The following GRIN1 variants were observed in gnomAD, a reference collection of about 807,000 sequenced individuals.
GRIN1 encodes glutamate receptor ionotropic, NMDA 1.
Under a neutral mutation model 103.0 loss-of-function variants are expected in GRIN1, and 38 were observed. That is an observed-to-expected ratio of 0.37 (90% confidence interval 0.28 to 0.48). GRIN1 has a LOEUF of 0.48. Among genes scored for constraint, GRIN1 ranks in the 20% least tolerant of loss-of-function variants. The pLI is 0.98. For missense variants in GRIN1, 577 were observed against 1,288.9 expected (o/e 0.45, Z 8.46); for synonymous variants, 544 against 532.7 (o/e 1.02, Z -0.29).
At position 137,165,258 on chromosome 9, in the gene GRIN1, G is replaced by A; in HGVS notation, c.2662G>A (p.Ala888Thr). ...ATFRAITSTL[A>T]SSFKRRRSSK... ...ATTTAGGGCTATCACCTCCACCCTG[G>A]CTTCCAGCTTCAAGAGGCGTAGGTC... Residue 888 changes from alanine to threonine, a missense_variant, in exon 19 of 20, where the codon GCT becomes ACT. Physicochemically the swap from Ala to Thr is moderately conservative, Grantham distance 58. Around this residue, in one of 9 missense-constraint regions of GRIN1, gnomAD observed 68 missense variants for 113.0 expected, o/e 0.60. Coordinates refer to ENST00000371561, the MANE Select transcript of GRIN1 (RefSeq NM_007327.4). 6.2e-7 allele frequency: 1 copy of A among 1,612,280 alleles called. No individual in the cohort carries two copies. The highest frequency in any genetic ancestry group is 8.5e-7 in the Non-Finnish European group (1 of 1,179,434).
intron 3 of GRIN1, chr9:137,148,115 G>A (rs1187665906): frequency 7.6e-7 from 1 of 1,316,076 alleles, no homozygotes; most frequent in Admixed American, 2.0e-5. Flanking sequence ...ATCTTCTTCT[G>A]TGTCTGCATA....
At position 137,156,985 on chromosome 9, in the gene GRIN1, C is replaced by A; in HGVS notation, c.916C>A (p.Arg306=). The change falls in exon 6 of 20, where the codon CGG becomes AGG. Residue 306 remains arginine (R), a synonymous_variant. Coordinates refer to ENST00000371561, the MANE Select transcript of GRIN1 (RefSeq NM_007327.4). ...GAAGGAGAACATCACCGACCCGCCG[C>A]GGGGCTGCGTGGGCAACACCAACAT... is the stretch of plus-strand genomic sequence containing the variant. The part of the protein sequence containing the change: ...LEKENITDPP[R]GCVGNTNIWK... 6.2e-7 allele frequency: 1 copy of A among 1,608,474 alleles called. No individual in the cohort carries two copies. Among genetic ancestry groups the A allele is most frequent in the Non-Finnish European group, 8.5e-7 (1 of 1,177,814 alleles).
chr9:137,141,404 G>A (rs1360668972), intron 1 of GRIN1, among the ~76,000 whole-genome samples: 1 of 152,196 alleles, frequency 6.6e-6, no homozygotes, highest in Admixed American at 6.5e-5. Flanking sequence ...AGGCTGGGCT[G>A]CACCCCCAAT....
intron 19 of GRIN1, among the ~76,000 whole-genome samples, chr9:137,165,643 C>A (rs1373843578): frequency 6.6e-6 from 1 of 152,192 alleles, no homozygotes; most frequent in Admixed American, 6.5e-5. Flanking sequence ...GGGAGCCCAG[C>A]GTGGCCCCAT....
intron 3 of GRIN1, among the ~76,000 whole-genome samples, chr9:137,147,476 ACAC>A (rs1351781976): frequency 6.6e-6 from 1 of 151,926 alleles, no homozygotes; most frequent in Non-Finnish European, 1.5e-5. Flanking sequence ...ACACACGCAC[ACAC>A]AAGCACGCAC....
intron 2 of GRIN1, among the ~76,000 whole-genome samples, chr9:137,142,967 A>G (rs1238768802): frequency 6.6e-6 from 1 of 152,238 alleles, no homozygotes; most frequent in East Asian, 1.9e-4. Flanking sequence ...GTTTTGCAGG[A>G]ATCTCCAAGC....
intron 15 of GRIN1, 50 bp from the exon 16 acceptor site, chr9:137,163,119 C>T (rs1467325388): frequency 1.4e-5 from 22 of 1,604,192 alleles, no homozygotes; most frequent in African/African-American, 1.2e-4. Flanking sequence ...GGGCGTGGGG[C>T]TTCCAGGCTG....
intron 4 of GRIN1, among the ~76,000 whole-genome samples, chr9:137,150,927 G>GCCCAGGGAAAGCCCCA (rs1832836787): frequency 8.4e-6 from 1 of 119,074 alleles, no homozygotes; most frequent in Non-Finnish European, 1.7e-5. Context: ...CGAAAGCCTC[G>GCCCAGGGAAAGCCCCA]CCCAGGGAAA....
At chr9:137,145,650 T>C (rs1832484571) in intron 2 of GRIN1, 76 bp from the exon 3 acceptor site, 2 of 1,159,100 alleles carry the variant, frequency 1.7e-6, no homozygotes, top group African/African-American at 4.4e-5. Flanking sequence ...CGGCGGGTGT[T>C]CCGGCAGTGG....
At chr9:137,165,025 C>A (rs1437017629) in intron 18 of GRIN1, 161 bp from the exon 19 acceptor site, 34 of 688,014 alleles carry the variant, frequency 4.9e-5, no homozygotes, top group Non-Finnish European at 9.0e-5. Flanking sequence ...AGAGGCCACC[C>A]TCGAACGTCC....
chr9:137,166,617 G>A (rs1833891619), intron 19 of GRIN1, among the ~76,000 whole-genome samples: 1 of 152,268 alleles, frequency 6.6e-6, no homozygotes, highest in Non-Finnish European at 1.5e-5. Context: ...GCCCCAAGAG[G>A]GACCCATGAG....
chr9:137,165,285 T>C lies in GRIN1; in HGVS notation c.2689T>C (p.Ser897Pro). ...TTCCAGCTTCAAGAGGCGTAGGTCC[T>C]CCAAAGACACGGTAAGGGGGAGAGC... The part of the protein sequence containing the change: ...LASSFKRRRS[S>P]KDTSTGGGRG... Residue 897 changes from serine to proline, a missense_variant, in exon 19 of 20, where the codon TCC (serine) becomes CCC (proline). Ser to Pro is a moderately conservative substitution (Grantham distance 74). This residue lies in a region of GRIN1 where 68 missense variants were observed against 113.0 expected (regional missense o/e 0.60). Transcript: ENST00000371561. The C allele has an allele frequency of 1.9e-6, 3 of 1,603,650 alleles. No homozygotes were observed. Among genetic ancestry groups the C allele is most frequent in the Non-Finnish European group, 1.7e-6 (2 of 1,172,106 alleles).
chr9:137,160,690 A>G (rs1833485892), intron 8 of GRIN1, among the ~76,000 whole-genome samples: 1 of 152,182 alleles, frequency 6.6e-6, no homozygotes. Context: ...TCGGCCTCCC[A>G]AAGTGCTGGG....
intron 2 of GRIN1, among the ~76,000 whole-genome samples, chr9:137,143,926 C>T (rs969251639): frequency 2.0e-5 from 3 of 152,212 alleles, no homozygotes; most frequent in African/African-American, 7.2e-5. Context: ...GGCCATGCCA[C>T]GGCACTCCGT....
intron 2 of GRIN1, among the ~76,000 whole-genome samples, chr9:137,144,224 A>C (rs915228976): frequency 6.6e-6 from 1 of 151,778 alleles, no homozygotes. Context: ...TGGGGCCAAC[A>C]CTAAACCTCC....
intron 10 of GRIN1, among the ~76,000 whole-genome samples, chr9:137,161,651 T>TGGGGCACGGAGG (rs1833553397): frequency 4.6e-5 from 1 of 21,770 alleles, no homozygotes; most frequent in Non-Finnish European, 9.2e-5. Context: ...GGGGTCGGAG[T>TGGGGCACGGAGG]GGGTGGGGCA....
At chr9:137,148,958 C>T (rs374010340) in intron 3 of GRIN1, 51 bp from the exon 4 acceptor site, 405 of 1,310,714 alleles carry the variant, frequency 3.1e-4, no homozygotes, top group Non-Finnish European at 4.0e-4. Flanking sequence ...ACCCCTGAGG[C>T]GCTATGTCCC....
At chr9:137,163,101 G>A in intron 15 of GRIN1, 68 bp from the exon 16 acceptor site, 2 of 1,590,178 alleles carry the variant, frequency 1.3e-6, no homozygotes, top group South Asian at 2.2e-5. Context: ...GGGCACCCCG[G>A]AGGGCGCGGG....
rs1280706883 is a variant in GRIN1, at chr9:137,163,687, A to C, written c.2443+19A>C. 1.2e-6 allele frequency: 2 copies of C among 1,612,742 alleles called. No homozygotes were observed. The highest frequency in any genetic ancestry group is 1.1e-5 in the South Asian group (1 of 91,036). On this transcript the variant is annotated intron_variant, in intron 17 of 19. Transcript: ENST00000371561. ...ATGGCCGGTGCGTTCTCCTTCATCC[A>C]TTCTCGGGTGGGTTCTCCGTGGGCT... is the stretch of plus-strand genomic sequence containing the variant.
Sources: allele counts gnomAD v4.1 joint callset (sites outside exome capture counted in the v4.1 genomes callset), GRCh38; gene constraint gnomAD v4.1.1; regional missense constraint gnomAD v4.1.1; transcripts MANE v1.5; gene names NCBI Gene and HGNC (gene_info 2026-07-23, HGNC 2026-07-21).